GPR174: variants seen among roughly 807,000 people sequenced by gnomAD.
GPR174 encodes probable G protein-coupled receptor 174.
In GPR174, 8 loss-of-function variants were observed where a neutral mutation model predicts 16.5. The ratio of observed to expected loss-of-function variants is 0.48; its 90% CI spans 0.28 to 0.87. The LOEUF is 0.87. GPR174 is among the 40% of genes least tolerant of loss of function. The pLI is 0.09. For synonymous variants in GPR174, 111 were observed against 94.8 expected, an observed-to-expected ratio of 1.17 and a Z score of -0.99; for missense variants, 214 against 247.5, an observed-to-expected ratio of 0.86 and a Z score of 0.91.
chrX:79,150,506 C>A (rs1484500575), intron 1 of GPR174, among the ~76,000 whole-genome samples: 3 of 111,538 alleles, frequency 2.7e-5, no homozygotes, highest in African/African-American at 9.8e-5. Flanking sequence ...CATGCATTAA[C>A]CCACTTGTCA....
At chrX:79,150,006 G>C (rs1926571124) in intron 1 of GPR174, among the ~76,000 whole-genome samples, 1 of 111,120 alleles carries the variant, frequency 9.0e-6, no homozygotes, top group Non-Finnish European at 1.9e-5. Context: ...TTTACATTAA[G>C]AAATATTATC....
chrX:79,171,609 T>C lies in GPR174; in HGVS notation c.602T>C (p.Val201Ala). The stretch of plus-strand genomic sequence containing the variant: ...GGGTTTGTAACTCCGCTTCTGATTG[T>C]CCTATATTGTACCTGGAAGACGGTT... ...LIGFVTPLLIVLYCTWKTVLS... is the reference protein window; with the variant it reads ...LIGFVTPLLIALYCTWKTVLS... The change falls in exon 3 of 3, where the codon GTC becomes GCC. Residue 201 changes from valine to alanine, a missense_variant. By Grantham distance (64) the Val-to-Ala change is moderately conservative. Transcript: ENST00000645147. 8.3e-7 allele frequency: 1 copy of C among 1,211,243 alleles called. No individual in the cohort carries two copies. Among genetic ancestry groups the C allele is most frequent in the Non-Finnish European group, 1.1e-6 (1 of 895,417 alleles).
chrX:79,163,283 A>C (rs954939090), intron 2 of GPR174, among the ~76,000 whole-genome samples: 1 of 112,386 alleles, frequency 8.9e-6, no homozygotes, highest in African/African-American at 3.2e-5. Flanking sequence ...AAATTTTATA[A>C]AAAGAGAAAA....
At chrX:79,162,345 A>C (rs1189351373) in intron 2 of GPR174, among the ~76,000 whole-genome samples, 3 of 110,930 alleles carry the variant, frequency 2.7e-5, no homozygotes, top group Non-Finnish European at 5.7e-5. Context: ...CCCGGCAGAT[A>C]GGCTTGAGGG....
rs1921554391 is a variant in GPR174, at chrX:79,172,908, A to T, written c.*899A>T. ...GTTTTTATCATGTTTCTAGAGATAC[A>T]TTGAGGTAATGTTGACAGGTTCCTG... On this transcript the variant is annotated 3_prime_UTR_variant, in exon 3 of 3. Coordinates refer to ENST00000645147, the MANE Select transcript of GPR174 (RefSeq NM_032553.3). 8.9e-6 allele frequency: 1 copy of T among 112,084 alleles called. No homozygotes were observed. Among genetic ancestry groups the T allele is most frequent in the South Asian group, 3.7e-4 (1 of 2,721 alleles). The allele number at this position is 112,084 out of a possible 1,213,427, so 9.2% of individuals were successfully genotyped here.
In GPR174 at chrX:79,172,070, C is replaced by G. The variant is rs767104590; in HGVS notation, c.*61C>G. ...AGTACATCAGAACATATCTGCAATA[C>G]CCAAGCCACAGGGAAGAACTTGCAA... On this transcript the variant is annotated 3_prime_UTR_variant, in exon 3 of 3. Coordinates refer to ENST00000645147, the MANE Select transcript of GPR174 (RefSeq NM_032553.3). 149 of 1,075,647 alleles carry G rather than the reference C, an allele frequency of 1.4e-4. No homozygotes were observed. The highest frequency in any genetic ancestry group is 3.8e-4 in the Admixed American group (13 of 34,090). The allele number at this position is 1,075,647 out of a possible 1,213,427, so 88.6% of individuals were successfully genotyped here.
intron 2 of GPR174, among the ~76,000 whole-genome samples, chrX:79,164,174 C>T (rs1334602380): frequency 9.0e-6 from 1 of 111,125 alleles, no homozygotes; most frequent in Non-Finnish European, 1.9e-5. Flanking sequence ...GTGCCACAAG[C>T]CTTTAAGGTT....
intron 1 of GPR174, among the ~76,000 whole-genome samples, chrX:79,148,177 C>A (rs1202296215): frequency 9.0e-6 from 1 of 111,299 alleles, no homozygotes; most frequent in African/African-American, 3.3e-5. Flanking sequence ...GACTTGTGCC[C>A]ACCGTGGGAG....
intron 2 of GPR174, among the ~76,000 whole-genome samples, chrX:79,157,987 C>T (rs184697051): frequency 3.7e-5 from 4 of 108,191 alleles, no homozygotes; most frequent in African/African-American, 1.3e-4. Flanking sequence ...TAATAAAACT[C>T]CTGTAGCGCA....
chrX:79,171,575 G>A lies in GPR174; in HGVS notation c.568G>A (p.Glu190Lys). 1 of 1,211,089 alleles carries A rather than the reference G, an allele frequency of 8.3e-7. No homozygotes were observed. The highest frequency in any genetic ancestry group is 1.1e-6 in the Non-Finnish European group (1 of 895,340). ...GTCCGTTGTTATGATGACCATTGGC[G>A]AGTTGATTGGGTTTGTAACTCCGCT... ...AQSVVMMTIG[E>K]LIGFVTPLLI... Residue 190 changes from glutamate to lysine, a missense_variant, in exon 3 of 3, where the codon GAG becomes AAG. Coordinates refer to ENST00000645147, the MANE Select transcript of GPR174 (RefSeq NM_032553.3).
At chrX:79,145,636 A>G (rs748789240) in intron 1 of GPR174, among the ~76,000 whole-genome samples, 2 of 111,760 alleles carry the variant, frequency 1.8e-5, no homozygotes, top group Admixed American at 9.5e-5. Context: ...TCTGCTGCAT[A>G]ATTAAACTGG....
chrX:79,145,991 C>T (rs973603360), intron 1 of GPR174, among the ~76,000 whole-genome samples: 1 of 111,591 alleles, frequency 9.0e-6, no homozygotes, highest in Admixed American at 9.5e-5. Context: ...TTTCTAGATA[C>T]TCAAAATTGA....
chrX:79,166,814 C>T (rs1166104384), intron 2 of GPR174, among the ~76,000 whole-genome samples: 28 of 111,542 alleles, frequency 2.5e-4, no homozygotes, highest in Non-Finnish European at 4.9e-4. Flanking sequence ...AACTGAGTTT[C>T]GTCTACATGC....
In GPR174 at chrX:79,171,944, C is replaced by A. The variant is rs751088065; in HGVS notation, c.937C>A (p.Gln313Lys). Residue 313 changes from glutamine (Q) to lysine (K), a missense_variant, in exon 3 of 3, where the codon CAA becomes AAA. Gln to Lys is a moderately conservative substitution (Grantham distance 53). Coordinates refer to ENST00000645147, the MANE Select transcript of GPR174 (RefSeq NM_032553.3). ...LSRQDLHDSI[Q>K]LHAKSFVSNH... ...AAGACAAGATTTGCATGACAGCATCCAACTCCATGCAAAATCCTTTGTGAG... is the reference window on the plus strand; with the variant it reads ...AAGACAAGATTTGCATGACAGCATCAAACTCCATGCAAAATCCTTTGTGAG... 8.3e-7 allele frequency: 1 copy of A among 1,207,771 alleles called. No individual in the cohort carries two copies. The highest frequency in any genetic ancestry group is 3.0e-5 in the East Asian group (1 of 33,794).
chrX:79,159,362 A>G (rs1039765359), intron 2 of GPR174, among the ~76,000 whole-genome samples: 5 of 112,401 alleles, frequency 4.4e-5, no homozygotes, highest in African/African-American at 1.3e-4. Context: ...ATGAAAATTT[A>G]TTAAATTATT....
intron 2 of GPR174, among the ~76,000 whole-genome samples, chrX:79,166,425 C>CTT (rs1569281344): frequency 1.6e-4 from 7 of 42,508 alleles, no homozygotes; most frequent in Admixed American, 3.3e-4. Flanking sequence ...TTTTTCTTTT[C>CTT]TTTTTTCTTT....
chrX:79,155,584 C>T (rs1921077099), intron 1 of GPR174, among the ~76,000 whole-genome samples: 1 of 110,944 alleles, frequency 9.0e-6, no homozygotes, highest in Non-Finnish European at 1.9e-5. Flanking sequence ...CAAGCCCTGG[C>T]TTACTGGTTT....
intron 1 of GPR174, among the ~76,000 whole-genome samples, chrX:79,155,395 A>G (rs1010097126): frequency 2.7e-5 from 3 of 111,384 alleles, no homozygotes; most frequent in East Asian, 5.6e-4. Flanking sequence ...TCTCTCAAGG[A>G]CAAAAAATAA....
chrX:79,164,983 A>G (rs886588142), intron 2 of GPR174, among the ~76,000 whole-genome samples: 4 of 111,892 alleles, frequency 3.6e-5, no homozygotes, highest in African/African-American at 6.5e-5. Context: ...TTATTGAGAC[A>G]TAAAATGTTT....
Sources: gnomAD v4.1 joint callset for allele counts (sites outside exome capture counted in the v4.1 genomes callset) on GRCh38, gnomAD v4.1.1 for gene constraint, MANE v1.5 for transcripts, NCBI Gene and HGNC (gene_info 2026-07-23, HGNC 2026-07-21) for gene names.